The following ABCC6 variants were observed in gnomAD, a reference collection of about 807,000 sequenced individuals.
The protein encoded by ABCC6 is ATP-binding cassette sub-family C member 6.
In ABCC6, 126 loss-of-function variants were observed where a neutral mutation model predicts 169.5. The observed-to-expected ratio is 0.74, with a 90% CI of 0.64 to 0.86. The LOEUF (loss-of-function observed/expected upper bound fraction) is 0.86. Ranked by LOEUF, ABCC6 falls within the 40% of genes least tolerant of loss-of-function variation. ABCC6 has a pLI of 0.00. For synonymous variants in ABCC6, 752 were observed against 814.7 expected, an observed-to-expected ratio of 0.92 and a Z score of 1.31; for missense variants, 1,733 against 1,927.2, an observed-to-expected ratio of 0.90 and a Z score of 1.89.
At chr16:16,174,760 A>ACCCCCCCCC (rs386789398) in intron 20 of ABCC6, among the ~76,000 whole-genome samples, 49 of 94,470 alleles carry the variant, frequency 5.2e-4, no homozygotes, top group South Asian at 1.3e-3. Context: ...CTGTCTCAAA[A>ACCCCCCCCC]CCCCCCCCCG....
At chr16:16,208,001 G>C (rs1379607127) in intron 7 of ABCC6, among the ~76,000 whole-genome samples, 2 of 151,452 alleles carry the variant, frequency 1.3e-5, no homozygotes, top group Admixed American at 6.6e-5. Flanking sequence ...CTATGAGCTG[G>C]GGCTAATGAC....
intron 10 of ABCC6, 35 bp downstream of exon 10, chr16:16,197,986 C>T (rs1250565925): frequency 6.2e-7 from 1 of 1,602,486 alleles, no homozygotes; most frequent in Non-Finnish European, 8.5e-7. Flanking sequence ...GGGTGGGGGA[C>T]TCCGTTCAAA....
chr16:16,187,199 AG>A lies in ABCC6; in HGVS notation c.1791del (p.Phe598LeufsTer18), dbSNP rs1253009659. Reference protein sequence around the residue: ...SIHSLVQARVSFDRLVTFLCL... With the variant: ...SIHSLVQARVXFDRLVTFLCL... ...CAGAGGAAGGTGACCAGACGGTCAA[AG>A]GACACCCGGGCCTAGGAAAACCGAA... On this transcript the variant is annotated frameshift_variant, in exon 14 of 31. Transcript: ENST00000205557. LOFTEE classifies it high-confidence loss of function. 3 of 1,613,484 alleles carry A rather than the reference AG, an allele frequency of 1.9e-6. No individual in the cohort carries two copies. The Admixed American group carries it at 5.0e-5, about 27-fold the overall frequency.
Position 16,169,766 on chromosome 16 carries a change from C to T in ABCC6, c.2875G>A (p.Val959Met). ...YALFLFLCQQ[V>M]ASFCRGYWLS... ...CAGTAGCCCCGGCAGAAGGAGGCCA[C>T]TTGCTGGCAGAGGAAGAGGAAGAGT... Residue 959 changes from valine (V) to methionine (M), a missense_variant, in exon 22 of 31, where the codon GTG (valine) becomes ATG (methionine). Physicochemically the swap from Val to Met is conservative, Grantham distance 21. This residue lies in a region of ABCC6 where 1,601 missense variants were observed against 1,635.5 expected (regional missense o/e 0.98). Coordinates refer to ENST00000205557, the MANE Select transcript of ABCC6 (RefSeq NM_001171.6). The T allele has an allele frequency of 6.3e-7, 1 of 1,598,276 alleles. No individual in the cohort carries two copies. The highest frequency in any genetic ancestry group is 8.5e-7 in the Non-Finnish European group (1 of 1,172,938).
chr16:16,175,232 A>G (rs554070444), intron 20 of ABCC6, among the ~76,000 whole-genome samples: 24 of 152,268 alleles, frequency 1.6e-4, no homozygotes, highest in Non-Finnish European at 2.4e-4. Context: ...GTCAGCCCCA[A>G]TGGTCCCTGG....
chr16:16,157,017 A>T (rs2046572887), intron 27 of ABCC6, among the ~76,000 whole-genome samples: 1 of 149,708 alleles, frequency 6.7e-6, no homozygotes, highest in African/African-American at 2.5e-5. Context: ...TTTTTAGGGG[A>T]CAAGGAGAGG....
In ABCC6 at chr16:16,185,124, C is replaced by G. The variant is rs8060117; in HGVS notation, c.1868-90G>C. 2.4e-3 allele frequency: 2,996 copies of G among 1,223,304 alleles called. 66 individuals are homozygous for G. In the African/African-American group the frequency reaches 0.038, roughly 16 times the overall value. The allele number at this position is 1,223,304 out of a possible 1,614,324, so 75.8% of individuals were successfully genotyped here. The stretch of plus-strand genomic sequence containing the variant: ...CCCCCAGGCACCATCCCCCGCCCCC[C>G]CCAGGGGCAGAGGCTGCAGGAAGAA... On this transcript the variant is annotated intron_variant, in intron 14 of 30. Coordinates refer to ENST00000205557, the MANE Select transcript of ABCC6 (RefSeq NM_001171.6).
At chr16:16,214,246 A>G in intron 5 of ABCC6, 78 bp downstream of exon 5, 1 of 1,546,468 alleles carries the variant, frequency 6.5e-7, no homozygotes. Context: ...GAATAAAAAA[A>G]TTAAAGACTT....
intron 9 of ABCC6, among the ~76,000 whole-genome samples, chr16:16,201,246 C>T (rs920556559): frequency 7.2e-5 from 11 of 152,184 alleles, no homozygotes; most frequent in African/African-American, 2.2e-4. Context: ...GAATTACAGG[C>T]GTGCACCACT....
chr16:16,161,400 T>C (rs1567473579), intron 25 of ABCC6, 38 bp downstream of exon 25: 1 of 1,613,302 alleles, frequency 6.2e-7, no homozygotes, highest in Non-Finnish European at 8.5e-7. Flanking sequence ...TCTGCCTCTG[T>C]CTGTCCCTCA....
At chr16:16,159,133 C>T (rs1457159780) in intron 26 of ABCC6, among the ~76,000 whole-genome samples, 1 of 152,130 alleles carries the variant, frequency 6.6e-6, no homozygotes, top group Non-Finnish European at 1.5e-5. Context: ...TTGCATTACT[C>T]TCATGTTCTG....
chr16:16,167,311 G>T (rs942711644), intron 22 of ABCC6, among the ~76,000 whole-genome samples: 30 of 152,140 alleles, frequency 2.0e-4, no homozygotes, highest in Non-Finnish European at 3.1e-4. Flanking sequence ...TACTGCCAGG[G>T]GGAGCAGCTA....
intron 21 of ABCC6, among the ~76,000 whole-genome samples, chr16:16,172,387 T>G (rs1170288576): frequency 1.5e-4 from 2 of 13,174 alleles, no homozygotes; most frequent in Non-Finnish European, 2.9e-4. Context: ...GCTAAATGAG[T>G]GGGTGGGATG....
At chr16:16,189,085 C>T (rs903546635) in intron 12 of ABCC6, 111 bp from the exon 13 acceptor site, 31 of 1,282,600 alleles carry the variant, frequency 2.4e-5, no homozygotes, top group South Asian at 1.2e-4. Context: ...CCGCCATGTC[C>T]GCATGTGCTT....
intron 9 of ABCC6, among the ~76,000 whole-genome samples, chr16:16,200,194 G>T (rs1306846749): frequency 6.6e-6 from 1 of 152,140 alleles, no homozygotes; most frequent in East Asian, 1.9e-4. Flanking sequence ...CACTTTGGGA[G>T]GCTGAGGTGG....
In ABCC6 at chr16:16,190,232, C is replaced by A; in HGVS notation, c.1567G>T (p.Gly523Cys). 6.2e-7 allele frequency: 1 copy of A among 1,614,118 alleles called. No homozygotes were observed. The highest frequency in any genetic ancestry group is 1.1e-5 in the South Asian group (1 of 91,072). Residue 523 changes from glycine (G) to cysteine (C), a missense_variant, in exon 12 of 31, where the codon GGC becomes TGC. Gly to Cys is a radical substitution (Grantham distance 159). This residue lies in a region of ABCC6 where 1,601 missense variants were observed against 1,635.5 expected (regional missense o/e 0.98). Coordinates refer to ENST00000205557, the MANE Select transcript of ABCC6 (RefSeq NM_001171.6). ...RVLGIRGQEL[G>C]ALRTSGLLFS... ...AGGAGGCCGGAGGTCCGCAAGGCGC[C>A]CAGCTCCTGGCCTCGGATGCCCAGG... is the stretch of plus-strand genomic sequence containing the variant.
At chr16:16,162,412 T>C (rs981156516) in intron 24 of ABCC6, among the ~76,000 whole-genome samples, 38 of 152,324 alleles carry the variant, frequency 2.5e-4, no homozygotes, top group Admixed American at 2.2e-3. Context: ...TTATCATCTA[T>C]AGAACAGTTT....
intron 29 of ABCC6, among the ~76,000 whole-genome samples, chr16:16,151,608 C>T (rs1037524590): frequency 1.4e-4 from 21 of 152,160 alleles, no homozygotes; most frequent in African/African-American, 4.6e-4. Context: ...CGTGATCCAC[C>T]GTGCCTGGCC....
Position 16,183,205 on chromosome 16 carries a change from G to A in ABCC6, c.1944-275C>T, listed in dbSNP as rs370605818. On this transcript the variant is annotated intron_variant, in intron 15 of 30. Transcript: ENST00000205557. Reference sequence around the variant, plus strand: ...ATGCACAGCAACACAATGTGGGCACGCATCCACACACACACAAGTGCATGC... The same window carrying A: ...ATGCACAGCAACACAATGTGGGCACACATCCACACACACACAAGTGCATGC... Among the ~76,000 whole-genome samples the A allele has an allele frequency of 1.3e-4, 20 of 152,190 alleles. No homozygotes were observed. The East Asian group carries it at 3.5e-3, about 26-fold the overall frequency.
Sources: allele counts gnomAD v4.1 joint callset (sites outside exome capture counted in the v4.1 genomes callset), GRCh38; gene constraint gnomAD v4.1.1; regional missense constraint gnomAD v4.1.1; transcripts MANE v1.5; gene names NCBI Gene and HGNC (gene_info 2026-07-23, HGNC 2026-07-21).